Variants in RYR3 observed in about 807,000 individuals in gnomAD.
RYR3 encodes ryanodine receptor 3.
RYR3 carries 207 observed loss-of-function variants against 584.3 expected under a neutral mutation model. The observed-to-expected ratio is 0.35, with a 90% confidence interval of 0.32 to 0.40. RYR3 has a LOEUF of 0.40. Ranked by LOEUF, RYR3 falls within the 10% of genes least tolerant of loss-of-function variation. The pLI is 1.00. For missense variants in RYR3, 5,616 were observed against 6,089.2 expected (o/e 0.92, Z 2.59); for synonymous variants, 2,416 against 2,248.5 (o/e 1.07, Z -2.11).
intron 38 of RYR3, among the ~76,000 whole-genome samples, chr15:33,687,375 C>T (rs1284387931): frequency 2.0e-5 from 3 of 152,150 alleles, no homozygotes; most frequent in Non-Finnish European, 4.4e-5. Context: ...AGGACCTCTT[C>T]AAGGAGAACT....
intron 46 of RYR3, among the ~76,000 whole-genome samples, chr15:33,728,086 A>G (rs2068618314): frequency 1.3e-5 from 2 of 152,248 alleles, no homozygotes; most frequent in East Asian, 1.9e-4. Context: ...GACATGACAT[A>G]TTAAACTTAA....
intron 1 of RYR3, among the ~76,000 whole-genome samples, chr15:33,315,580 G>T (rs1457369812): frequency 6.6e-6 from 1 of 152,128 alleles, no homozygotes; most frequent in Non-Finnish European, 1.5e-5. Context: ...GTCACTTCAG[G>T]GCTTCCCATC....
Position 33,662,239 on chromosome 15 carries a change from C to T in RYR3, c.4709C>T (p.Ala1570Val). 1 of 1,609,406 alleles carries T rather than the reference C, an allele frequency of 6.2e-7. No individual in the cohort carries two copies. The highest frequency in any genetic ancestry group is 1.1e-5 in the South Asian group (1 of 89,872). The stretch of plus-strand genomic sequence containing the variant: ...CTGAGGCTCTACAGCGCGGTGTGCG[C>T]CCTGGGAAACAGCCGCGTGGCCTAC... ...HTLRLYSAVC[A>V]LGNSRVAYAL... Residue 1570 changes from alanine to valine, a missense_variant, in exon 35 of 104, where the codon GCC becomes GTC. Ala to Val is a moderately conservative substitution (Grantham distance 64, BLOSUM62 0). This residue lies in a region of RYR3 where 753 missense variants were observed against 741.0 expected (regional missense o/e 1.02). Coordinates refer to ENST00000634891, the MANE Select transcript of RYR3 (RefSeq NM_001036.6).
intron 18 of RYR3, among the ~76,000 whole-genome samples, chr15:33,612,902 T>G (rs959454223): frequency 8.5e-5 from 13 of 152,214 alleles, no homozygotes; most frequent in Non-Finnish European, 1.8e-4. Flanking sequence ...CACATTAAGT[T>G]TTTGTTATTT....
rs373698399 is a variant in RYR3 at position 33,790,210 on chromosome 15, G to A, written c.9830+1752G>A. ...GGGTTTCACCATGTTAGCCAGGATG[G>A]TCTCAATCTCCTGACCTCGTGATCC... On this transcript the variant is annotated intron_variant, in intron 67 of 103. Transcript: ENST00000634891. Among the ~76,000 whole-genome samples the A allele has an allele frequency of 9.8e-4, 148 of 150,588 alleles. 1 individual carries two copies. Among genetic ancestry groups the A allele is most frequent in the African/African-American group, 3.5e-3 (143 of 40,880 alleles).
chr15:33,482,405 TTTGTTG>T (rs759791360), intron 2 of RYR3, among the ~76,000 whole-genome samples: 4 of 151,948 alleles, frequency 2.6e-5, no homozygotes, highest in African/African-American at 4.8e-5. Context: ...CAATTTGGTT[TTTGTTG>T]TTGTTGTTGT....
intron 98 of RYR3, among the ~76,000 whole-genome samples, chr15:33,855,204 C>A (rs1007256770): frequency 1.4e-5 from 2 of 147,480 alleles, no homozygotes; most frequent in East Asian, 4.0e-4. Flanking sequence ...CCTTGGAGAT[C>A]TTTTTTTTTT....
chr15:33,325,220 C>G lies in RYR3; in HGVS notation c.51+14124C>G, dbSNP rs186334222. On this transcript the variant is annotated intron_variant, in intron 1 of 103. Transcript: ENST00000634891. ...TCTGTGTGCTTTTAAATCCTATAGTCTGTACCAGATACAAACCAGTAACCA... is the reference window on the plus strand; with the variant it reads ...TCTGTGTGCTTTTAAATCCTATAGTGTGTACCAGATACAAACCAGTAACCA... 3.4e-3 allele frequency among the ~76,000 whole-genome samples: 518 copies of G among 152,252 alleles called. 3 individuals are homozygous for G. The highest frequency in any genetic ancestry group is 0.012 in the African/African-American group (490 of 41,516).
At chr15:33,530,285 G>A (rs1410954422) in intron 3 of RYR3, among the ~76,000 whole-genome samples, 1 of 152,182 alleles carries the variant, frequency 6.6e-6, no homozygotes, top group Non-Finnish European at 1.5e-5. Context: ...TCAAAGGAAG[G>A]TAAGCAGTAC....
chr15:33,812,425 G>T (rs1039485560), intron 72 of RYR3, among the ~76,000 whole-genome samples: 15 of 151,900 alleles, frequency 9.9e-5, no homozygotes, highest in Admixed American at 9.8e-4. Context: ...GGAATTAATC[G>T]AACCCATAAA....
chr15:33,776,235 G>C (rs2073985155), intron 64 of RYR3, among the ~76,000 whole-genome samples: 1 of 152,202 alleles, frequency 6.6e-6, no homozygotes, highest in Non-Finnish European at 1.5e-5. Flanking sequence ...CACTGAAACA[G>C]AGTACAGACA....
intron 43 of RYR3, among the ~76,000 whole-genome samples, chr15:33,708,467 T>C (rs1283590185): frequency 6.6e-6 from 1 of 152,164 alleles, no homozygotes; most frequent in Non-Finnish European, 1.5e-5. Context: ...CACTTGCTTT[T>C]GTGGGTTAGG....
chr15:33,603,537 A>G (rs1293029904), intron 18 of RYR3, among the ~76,000 whole-genome samples, 173 bp downstream of exon 18: 1 of 152,154 alleles, frequency 6.6e-6, no homozygotes, highest in African/African-American at 2.4e-5. Context: ...CATTTATACC[A>G]TTACTCAGAC....
chr15:33,865,034 C>A, intron 103 of RYR3, 97 bp from the exon 104 acceptor site: 2 of 816,714 alleles, frequency 2.4e-6, no homozygotes, highest in Non-Finnish European at 4.1e-6. Context: ...AAATTCACAT[C>A]AGTCTTCCTA....
chr15:33,606,239 A>G (rs985854651), intron 18 of RYR3, among the ~76,000 whole-genome samples: 1 of 152,198 alleles, frequency 6.6e-6, no homozygotes, highest in Non-Finnish European at 1.5e-5. Context: ...TAAGATTCTT[A>G]TGAAATTTAA....
intron 1 of RYR3, among the ~76,000 whole-genome samples, chr15:33,433,740 A>G (rs1277714993): frequency 1.3e-5 from 2 of 152,180 alleles, no homozygotes; most frequent in Non-Finnish European, 2.9e-5. Flanking sequence ...CAGGCTTTCA[A>G]TGTATTTGCT....
chr15:33,355,827 CT>C (rs1973894993), intron 1 of RYR3, among the ~76,000 whole-genome samples: 1 of 152,186 alleles, frequency 6.6e-6, no homozygotes, highest in Non-Finnish European at 1.5e-5. Context: ...TAGTATCTGT[CT>C]GATCCCTATA....
chr15:33,655,517 C>G (rs147018241), intron 32 of RYR3, among the ~76,000 whole-genome samples: 1 of 152,346 alleles, frequency 6.6e-6, no homozygotes, highest in East Asian at 1.9e-4. Flanking sequence ...GACACTGTGA[C>G]AGCTTTAGCC....
intron 98 of RYR3, among the ~76,000 whole-genome samples, 183 bp from the exon 99 acceptor site, chr15:33,857,597 G>T (rs1489435125): frequency 6.6e-6 from 1 of 152,044 alleles, no homozygotes; most frequent in African/African-American, 2.4e-5. Flanking sequence ...CTCTTTACCT[G>T]TGGTGCCATC....
Sources: allele counts gnomAD v4.1 joint callset (sites outside exome capture counted in the v4.1 genomes callset), GRCh38; gene constraint gnomAD v4.1.1; regional missense constraint gnomAD v4.1.1; transcripts MANE v1.5; gene names NCBI Gene and HGNC (gene_info 2026-07-23, HGNC 2026-07-21).